Variants in MACROD1 observed in about 807,000 individuals in gnomAD.
The protein encoded by MACROD1 is mono-ADP ribosylhydrolase 1, also known as ADP-ribose glycohydrolase MACROD1.
Under a neutral mutation model 41.4 loss-of-function variants are expected in MACROD1, and 31 were observed. The observed-to-expected ratio is 0.75, with a 90% CI of 0.56 to 1.01. The LOEUF is 1.01. MACROD1 is among the 50% of genes least tolerant of loss of function. The pLI is 0.00. For synonymous variants in MACROD1, 252 were observed against 203.4 expected, an observed-to-expected ratio of 1.24 and a Z score of -2.03; for missense variants, 473 against 460.0, an observed-to-expected ratio of 1.03 and a Z score of -0.26.
At chr11:64,043,583 G>C (rs530123982) in intron 3 of MACROD1, among the ~76,000 whole-genome samples, 1 of 152,308 alleles carries the variant, frequency 6.6e-6, no homozygotes, top group South Asian at 2.1e-4. Context: ...TCAAATCGTG[G>C]AAAGGGAAAG....
chr11:64,085,005 T>C (rs1944369249), intron 3 of MACROD1, among the ~76,000 whole-genome samples: 1 of 152,182 alleles, frequency 6.6e-6, no homozygotes, highest in African/African-American at 2.4e-5. Context: ...TGCCTTACTA[T>C]AACAATGGGT....
chr11:64,087,605 A>G lies in MACROD1; in HGVS notation c.517+63634T>C, dbSNP rs148109987. 2.7e-3 allele frequency among the ~76,000 whole-genome samples: 405 copies of G among 152,304 alleles called. 1 individual carries two copies. The highest frequency in any genetic ancestry group is 9.5e-3 in the African/African-American group (395 of 41,558). On this transcript the variant is annotated intron_variant, in intron 3 of 10. Transcript: ENST00000255681. ...TGCAGCTTCACTCGCTGCAGCCTGC[A>G]AGGCTGGCCTTGCCCGCGGCCCCAG...
At chr11:64,080,174 G>T (rs1161511456) in intron 3 of MACROD1, among the ~76,000 whole-genome samples, 1 of 152,094 alleles carries the variant, frequency 6.6e-6, no homozygotes, top group East Asian at 1.9e-4. Context: ...CACCATGCCT[G>T]GCTAATTTTT....
intron 4 of MACROD1, among the ~76,000 whole-genome samples, chr11:64,004,927 GA>G (rs918921447): frequency 6.6e-6 from 1 of 152,174 alleles, no homozygotes; most frequent in African/African-American, 2.4e-5. Context: ...AGATATGCTG[GA>G]AGGTGTCAAG....
chr11:64,041,405 G>C (rs181118810), intron 3 of MACROD1, among the ~76,000 whole-genome samples: 1 of 151,870 alleles, frequency 6.6e-6, no homozygotes, highest in Non-Finnish European at 1.5e-5. Context: ...AAATGCTGCC[G>C]GGTGCTGGAA....
At chr11:64,027,025 T>C (rs1174859661) in intron 3 of MACROD1, among the ~76,000 whole-genome samples, 1 of 152,214 alleles carries the variant, frequency 6.6e-6, no homozygotes, top group Non-Finnish European at 1.5e-5. Context: ...TGGCAGCCTG[T>C]GGGGAGACGA....
intron 3 of MACROD1, among the ~76,000 whole-genome samples, chr11:64,072,550 C>T (rs1944129834): frequency 6.6e-6 from 1 of 152,174 alleles, no homozygotes; most frequent in Non-Finnish European, 1.5e-5. Context: ...AATAACATAG[C>T]AGCTGCGCTG....
chr11:64,087,790 C>T (rs1189920049), intron 3 of MACROD1, among the ~76,000 whole-genome samples: 2 of 152,244 alleles, frequency 1.3e-5, no homozygotes, highest in Admixed American at 6.5e-5. Flanking sequence ...GGAGGCTGGA[C>T]GCCTGCCCAG....
intron 1 of MACROD1, among the ~76,000 whole-genome samples, chr11:64,155,771 C>T (rs1945658181): frequency 6.6e-6 from 1 of 152,070 alleles, no homozygotes; most frequent in Non-Finnish European, 1.5e-5. Context: ...CGAGACCAGC[C>T]TGGACAATAT....
chr11:64,044,414 C>T (rs545920151), intron 3 of MACROD1, among the ~76,000 whole-genome samples: 20 of 152,150 alleles, frequency 1.3e-4, no homozygotes, highest in Non-Finnish European at 2.5e-4. Flanking sequence ...AACACACTGG[C>T]TAATTTTTTA....
chr11:64,163,424 C>T lies in MACROD1; in HGVS notation c.298+2273G>A, dbSNP rs185851059. The stretch of plus-strand genomic sequence containing the variant: ...CAGACTCCCTGACTCGATTCTGACC[C>T]CTAGAATAAAGCAGGAGAGACTTCG... On this transcript the variant is annotated intron_variant, in intron 1 of 10. Coordinates refer to ENST00000255681, the MANE Select transcript of MACROD1 (RefSeq NM_014067.4). 2.7e-3 allele frequency among the ~76,000 whole-genome samples: 412 copies of T among 152,350 alleles called. 3 individuals carry two copies. In the South Asian group the frequency reaches 0.035, roughly 13 times the overall value.
Position 64,147,395 on chromosome 11 carries a change from C to CTT in MACROD1, c.517+3842_517+3843dup, listed in dbSNP as rs1278976301. ...CCTCAGAGTCTGATTTTCTTTCTTTCTTTTTTTTTTTTTGAGATGGAGTCT... is the reference window on the plus strand; with the variant it reads ...CCTCAGAGTCTGATTTTCTTTCTTTCTTTTTTTTTTTTTTTGAGATGGAGTCT... On this transcript the variant is annotated intron_variant, in intron 3 of 10. Transcript: ENST00000255681. Among the ~76,000 whole-genome samples, 7 of 129,524 alleles carry CTT rather than the reference C, an allele frequency of 5.4e-5. No individual in the cohort carries two copies. The South Asian group carries it at 9.9e-4, about 18-fold the overall frequency. 85.0% of individuals were successfully genotyped at this position (129,524 alleles called of 152,430 possible).
chr11:64,039,662 G>C (rs1057011279), intron 3 of MACROD1, among the ~76,000 whole-genome samples: 1 of 152,220 alleles, frequency 6.6e-6, no homozygotes, highest in Non-Finnish European at 1.5e-5. Flanking sequence ...GAGACACCAA[G>C]AGGGTTCCAT....
intron 2 of MACROD1, among the ~76,000 whole-genome samples, chr11:64,151,749 G>T (rs1398309260): frequency 2.6e-5 from 4 of 152,182 alleles, no homozygotes; most frequent in African/African-American, 9.7e-5. Flanking sequence ...CCACAAGCAA[G>T]TAATCTCGGG....
rs190992220 is a variant in MACROD1, at chr11:64,063,902, C to T, written c.518-48621G>A. Reference sequence around the variant, plus strand: ...GAGAGGGTGGTGGAGGGGGACCAGCCGGGCCCTCCCCAGTGAGCTGCGGAG... The same window carrying T: ...GAGAGGGTGGTGGAGGGGGACCAGCTGGGCCCTCCCCAGTGAGCTGCGGAG... On this transcript the variant is annotated intron_variant, in intron 3 of 10. Coordinates refer to ENST00000255681, the MANE Select transcript of MACROD1 (RefSeq NM_014067.4). Among the ~76,000 whole-genome samples the T allele has an allele frequency of 8.9e-4, 135 of 152,316 alleles. No homozygotes were observed. In the Middle Eastern group the frequency reaches 0.01, roughly 12 times the overall value.
At chr11:64,152,465 T>C (rs1375236844) in intron 1 of MACROD1, 72 bp from the exon 2 acceptor site, 11 of 1,182,034 alleles carry the variant, frequency 9.3e-6, no homozygotes, top group Non-Finnish European at 1.1e-5. Flanking sequence ...CCACATCTCC[T>C]TTCTTGCCTC....
chr11:64,051,294 G>A (rs1943689602), intron 3 of MACROD1, among the ~76,000 whole-genome samples: 1 of 152,216 alleles, frequency 6.6e-6, no homozygotes, highest in Non-Finnish European at 1.5e-5. Context: ...CTCTTTTGAA[G>A]TAGCTCTGGG....
intron 3 of MACROD1, among the ~76,000 whole-genome samples, chr11:64,091,933 G>C (rs1434162864): frequency 6.6e-6 from 1 of 152,174 alleles, no homozygotes; most frequent in African/African-American, 2.4e-5. Flanking sequence ...CTCTGGGGCT[G>C]CAGGAAGCAT....
intron 3 of MACROD1, among the ~76,000 whole-genome samples, chr11:64,100,558 G>T (rs1206839431): frequency 6.6e-6 from 1 of 152,234 alleles, no homozygotes; most frequent in Non-Finnish European, 1.5e-5. Flanking sequence ...CACTGGGGGT[G>T]CTGTGGCTCT....
Sources: allele counts gnomAD v4.1 joint callset (sites outside exome capture counted in the v4.1 genomes callset), GRCh38; gene constraint gnomAD v4.1.1; transcripts MANE v1.5; gene names NCBI Gene and HGNC (gene_info 2026-07-23, HGNC 2026-07-21).